CASS4: variants seen among roughly 807,000 people sequenced by gnomAD.
CASS4 encodes cas scaffolding protein family member 4.
CASS4 carries 22 observed loss-of-function variants against 54.2 expected under a neutral mutation model. The observed-to-expected ratio is 0.41, with a 90% CI of 0.29 to 0.58. The LOEUF is 0.58. Among genes scored for constraint, CASS4 ranks in the 20% least tolerant of loss-of-function variants. The pLI, the probability that CASS4 is intolerant of heterozygous loss-of-function variation, is 0.36. For synonymous variants in CASS4, 409 were observed against 391.5 expected (o/e 1.04, Z -0.53); for missense variants, 854 against 986.7 (o/e 0.87, Z 1.80).
At chr20:56,445,473 C>CCTAG (rs978365049) in intron 2 of CASS4, among the ~76,000 whole-genome samples, 1 of 152,204 alleles carries the variant, frequency 6.6e-6, no homozygotes, top group Non-Finnish European at 1.5e-5. Flanking sequence ...CCAGCCTCAG[C>CCTAG]CTAGCTAGAT....
At position 56,452,487 on chromosome 20, in the gene CASS4, G is replaced by T. The variant is rs1387838778; in HGVS notation, c.1311G>T (p.Leu437=). The T allele has an allele frequency of 1.2e-6, 2 of 1,613,798 alleles. No homozygotes were observed. Among genetic ancestry groups the T allele is most frequent in the Admixed American group, 3.3e-5 (2 of 59,986 alleles). Residue 437 remains leucine, a synonymous_variant, in exon 5 of 6, where the codon CTG becomes CTT. Transcript: ENST00000679887. ...EESAKELSLD[L]DVAKETVMAL... is the part of the protein sequence containing the mutation. The stretch of plus-strand genomic sequence containing the variant: ...CAGCAAAGGAGCTCTCCTTGGACCT[G>T]GATGTGGCCAAGGAGACAGTGATGG...
At chr20:56,425,811 C>T (rs1444702666) in intron 1 of CASS4, among the ~76,000 whole-genome samples, 27 of 152,190 alleles carry the variant, frequency 1.8e-4, no homozygotes, top group Admixed American at 1.8e-3. Context: ...TAATCCCAAA[C>T]CTCTAACTCC....
chr20:56,413,677 A>C (rs2146258614), intron 1 of CASS4, among the ~76,000 whole-genome samples: 1 of 143,668 alleles, frequency 7.0e-6, no homozygotes, highest in Middle Eastern at 3.6e-3. Context: ...TGTCTCAAAA[A>C]AAAAAAAAAA....
At chr20:56,425,306 G>A (rs952127986) in intron 1 of CASS4, among the ~76,000 whole-genome samples, 2 of 152,208 alleles carry the variant, frequency 1.3e-5, no homozygotes, top group Non-Finnish European at 2.9e-5. Flanking sequence ...GACTCTTAAT[G>A]CACCTGCAGT....
intron 3 of CASS4, among the ~76,000 whole-genome samples, chr20:56,449,575 C>T (rs1451470705): frequency 1.3e-5 from 2 of 151,788 alleles, no homozygotes; most frequent in African/African-American, 2.4e-5. Context: ...CAAACCTCCA[C>T]GTTGTGCACA....
chr20:56,418,216 T>C (rs1979238840), intron 1 of CASS4, among the ~76,000 whole-genome samples: 2 of 152,042 alleles, frequency 1.3e-5, no homozygotes, highest in Non-Finnish European at 2.9e-5. Flanking sequence ...AAAAGGCCAC[T>C]CTGAACACCC....
At chr20:56,450,120 C>T (rs1330683528) in intron 3 of CASS4, among the ~76,000 whole-genome samples, 3 of 152,088 alleles carry the variant, frequency 2.0e-5, no homozygotes, top group Non-Finnish European at 4.4e-5. Context: ...CAACCTCCAC[C>T]TCCCAGGTTC....
At chr20:56,427,250 C>G (rs1247159491) in intron 1 of CASS4, among the ~76,000 whole-genome samples, 1 of 151,796 alleles carries the variant, frequency 6.6e-6, no homozygotes, top group Admixed American at 6.6e-5. Context: ...CCAGAAATCC[C>G]TCCCAGAAGA....
At chr20:56,456,065 T>C (rs1401339160) in intron 5 of CASS4, among the ~76,000 whole-genome samples, 1 of 129,640 alleles carries the variant, frequency 7.7e-6, no homozygotes, top group East Asian at 2.8e-4. Context: ...TTGATGCTTC[T>C]GGTCCAAGGA....
chr20:56,440,379 A>C (rs1433288546), intron 2 of CASS4, among the ~76,000 whole-genome samples: 1 of 152,252 alleles, frequency 6.6e-6, no homozygotes, highest in Non-Finnish European at 1.5e-5. Flanking sequence ...AAGAAAAAAC[A>C]AAAAATCAAT....
At chr20:56,458,274 G>C in intron 5 of CASS4, 66 bp from the exon 6 acceptor site, 1 of 1,478,976 alleles carries the variant, frequency 6.8e-7, no homozygotes, top group Non-Finnish European at 9.2e-7. Context: ...GCCAAAACAG[G>C]AAAGGGCAGA....
chr20:56,445,615 G>A (rs750457693), intron 2 of CASS4, among the ~76,000 whole-genome samples: 2 of 152,126 alleles, frequency 1.3e-5, no homozygotes, highest in Non-Finnish European at 2.9e-5. Context: ...CGTCCAACTC[G>A]CGTGGGCCCA....
rs186338077 is a variant in CASS4, at chr20:56,452,794, C to T, written c.1618C>T (p.Arg540Cys). 30 of 1,614,034 alleles carry T rather than the reference C, an allele frequency of 1.9e-5. No individual in the cohort carries two copies. The highest frequency in any genetic ancestry group is 1.6e-4 in the South Asian group (15 of 91,072). Reference protein sequence around the residue: ...LLETKESLDNRNWPLEVLVTD... With the variant: ...LLETKESLDNCNWPLEVLVTD... ...TGAAACAAAGGAAAGCTTGGATAAT[C>T]GCAATTGGCCTCTGGAAGTTCTTGT... The change falls in exon 5 of 6, where the codon CGC becomes TGC. Residue 540 changes from arginine (R) to cysteine (C), a missense_variant. By Grantham distance (180) the Arg-to-Cys change is radical (BLOSUM62 -3). Transcript: ENST00000679887.
intron 1 of CASS4, among the ~76,000 whole-genome samples, chr20:56,425,197 G>A (rs763115231): frequency 2.0e-5 from 3 of 152,194 alleles, no homozygotes; most frequent in South Asian, 4.1e-4. Context: ...GAAGGGCAGC[G>A]AGCCTCCCCC....
At chr20:56,415,544 A>C (rs529610945) in intron 1 of CASS4, among the ~76,000 whole-genome samples, 1 of 152,236 alleles carries the variant, frequency 6.6e-6, no homozygotes, top group Admixed American at 6.5e-5. Context: ...ACTGGTGTTC[A>C]GTTCATATTA....
chr20:56,451,734 C>A, intron 4 of CASS4, 85 bp from the exon 5 acceptor site: 1 of 954,810 alleles, frequency 1.0e-6, no homozygotes, highest in Admixed American at 2.3e-5. Context: ...GAAGGAGCGG[C>A]GGAGTGACGA....
rs1393284020 is a variant in CASS4, at chr20:56,446,013, T to G, written c.561+12T>G. On this transcript the variant is annotated intron_variant, in intron 3 of 5. Coordinates refer to ENST00000679887, the MANE Select transcript of CASS4 (RefSeq NM_020356.4). ...CCGTGGTCCTGAAGGTGAGCCTTGTTCAGGGGCCCCTCATCACCCAGACCT... is the reference window on the plus strand; with the variant it reads ...CCGTGGTCCTGAAGGTGAGCCTTGTGCAGGGGCCCCTCATCACCCAGACCT... The G allele has an allele frequency of 6.3e-7, 1 of 1,591,914 alleles. No homozygotes were observed.
intron 2 of CASS4, among the ~76,000 whole-genome samples, chr20:56,440,784 G>T (rs758722397): frequency 8.5e-5 from 13 of 152,088 alleles, no homozygotes; most frequent in Non-Finnish European, 1.8e-4. Flanking sequence ...GCTTGTGCAG[G>T]CTGTGGCAAA....
In CASS4 at chr20:56,458,944, G is replaced by A; in HGVS notation, c.*197G>A. 3.4e-6 allele frequency: 2 copies of A among 581,404 alleles called. No homozygotes were observed. Among genetic ancestry groups the A allele is most frequent in the Non-Finnish European group, 6.1e-6 (2 of 327,676 alleles). The allele number at this position is 581,404 out of a possible 1,614,324, so 36.0% of individuals were successfully genotyped here. On this transcript the variant is annotated 3_prime_UTR_variant, in exon 6 of 6. Coordinates refer to ENST00000679887, the MANE Select transcript of CASS4 (RefSeq NM_020356.4). ...ACCCCGCAGGGGGTCAGGAAAGAGA[G>A]TCAGGTATGAGGTAAAGACCTTGTG...
Sources: allele counts gnomAD v4.1 joint callset (sites outside exome capture counted in the v4.1 genomes callset), GRCh38; gene constraint gnomAD v4.1.1; transcripts MANE v1.5; gene names NCBI Gene and HGNC (gene_info 2026-07-23, HGNC 2026-07-21).